Variants in ADCY1 observed in about 807,000 individuals in gnomAD.
The protein encoded by ADCY1 is adenylate cyclase type 1.
ADCY1 carries 28 observed loss-of-function variants against 105.4 expected under a neutral mutation model. That is an observed-to-expected ratio of 0.27 (90% CI 0.20 to 0.36). ADCY1 has a LOEUF of 0.36. Among genes scored for constraint, ADCY1 ranks in the 10% least tolerant of loss-of-function variants. The pLI is 1.00. For missense variants in ADCY1, 977 were observed against 1,434.2 expected (o/e 0.68, Z 5.15); for synonymous variants, 655 against 623.8 (o/e 1.05, Z -0.75).
intron 8 of ADCY1, among the ~76,000 whole-genome samples, chr7:45,675,746 C>G (rs1784445024): frequency 6.6e-6 from 1 of 151,978 alleles, no homozygotes; most frequent in South Asian, 2.1e-4. Context: ...TTTTCCTCCC[C>G]CAAAAAATCA....
intron 1 of ADCY1, among the ~76,000 whole-genome samples, chr7:45,589,961 C>T (rs915135719): frequency 5.3e-5 from 8 of 152,188 alleles, no homozygotes; most frequent in African/African-American, 1.4e-4. Context: ...TTCCCATTCT[C>T]GTGAGGACAG....
chr7:45,652,211 A>G (rs946982199), intron 5 of ADCY1, among the ~76,000 whole-genome samples: 1 of 152,234 alleles, frequency 6.6e-6, no homozygotes, highest in Admixed American at 6.5e-5. Flanking sequence ...CCCATGATCC[A>G]GTTACCTCCC....
At chr7:45,624,414 G>T (rs1401206108) in intron 4 of ADCY1, among the ~76,000 whole-genome samples, 2 of 152,128 alleles carry the variant, frequency 1.3e-5, no homozygotes, top group Admixed American at 6.5e-5. Context: ...CTGTGGGGAA[G>T]AAAAGGTCTT....
At chr7:45,696,413 T>C (rs554201577) in intron 14 of ADCY1, among the ~76,000 whole-genome samples, 2 of 120,084 alleles carry the variant, frequency 1.7e-5, no homozygotes, top group South Asian at 5.4e-4. Flanking sequence ...CACTCCAGCC[T>C]GGGCGACAGA....
At chr7:45,581,907 A>AT (rs1406412334) in intron 1 of ADCY1, among the ~76,000 whole-genome samples, 1 of 151,980 alleles carries the variant, frequency 6.6e-6, no homozygotes, top group East Asian at 1.9e-4. Flanking sequence ...ACTCACACTC[A>AT]TTCTCCCCCC....
At chr7:45,588,869 A>G (rs1047585932) in intron 1 of ADCY1, among the ~76,000 whole-genome samples, 50 of 149,156 alleles carry the variant, frequency 3.4e-4, no homozygotes, top group African/African-American at 1.1e-3. Context: ...CATTGCGTGT[A>G]TGTGTGTGTG....
Position 45,722,747 on chromosome 7 carries a change from G to A in ADCY1, c.*8752G>A, listed in dbSNP as rs942878513. 1 of 152,590 alleles carries A rather than the reference G, an allele frequency of 6.6e-6. No homozygotes were observed. Among genetic ancestry groups the A allele is most frequent in the Non-Finnish European group, 1.5e-5 (1 of 68,022 alleles). 9.5% of individuals were successfully genotyped at this position (152,590 alleles called of 1,614,324 possible). A position where few individuals can be genotyped will look rare whatever the true frequency, so the allele number is the denominator to read the frequency against. ...GGAATGGAGAGTGATGTGGGCAAGG[G>A]TGTCATTTTCTCGCACAATACAACT... is the stretch of plus-strand genomic sequence containing the variant. On this transcript the variant is annotated 3_prime_UTR_variant, in exon 20 of 20. Transcript: ENST00000297323.
chr7:45,576,598 C>G (rs1257638438), intron 1 of ADCY1, among the ~76,000 whole-genome samples: 1 of 152,064 alleles, frequency 6.6e-6, no homozygotes, highest in Non-Finnish European at 1.5e-5. Flanking sequence ...GACTTCATGT[C>G]CTGGAGGGGA....
chr7:45,635,886 T>C (rs1794390599), intron 4 of ADCY1, among the ~76,000 whole-genome samples: 1 of 152,106 alleles, frequency 6.6e-6, no homozygotes, highest in African/African-American at 2.4e-5. Context: ...CATATCTTTA[T>C]TGATTTCCTG....
intron 1 of ADCY1, among the ~76,000 whole-genome samples, chr7:45,578,594 G>A (rs1447689774): frequency 6.6e-6 from 1 of 152,198 alleles, no homozygotes; most frequent in Non-Finnish European, 1.5e-5. Context: ...GGATGTCTGG[G>A]CTTGGCCTCT....
intron 1 of ADCY1, among the ~76,000 whole-genome samples, chr7:45,585,181 A>G (rs1398239199): frequency 2.0e-5 from 3 of 152,232 alleles, no homozygotes; most frequent in Non-Finnish European, 4.4e-5. Context: ...TCAAAAAGGG[A>G]TCTTAAATAC....
intron 4 of ADCY1, among the ~76,000 whole-genome samples, chr7:45,641,400 C>A (rs983346891): frequency 5.3e-5 from 8 of 152,192 alleles, no homozygotes; most frequent in Admixed American, 3.3e-4. Flanking sequence ...AATTCTCACC[C>A]GTAATGTAGC....
chr7:45,662,341 T>A, intron 8 of ADCY1, 127 bp downstream of exon 8: 1 of 1,063,336 alleles, frequency 9.4e-7, no homozygotes, highest in Non-Finnish European at 1.3e-6. Flanking sequence ...GATAATCTTG[T>A]AAATGCTGCT....
rs547193718 is a variant in ADCY1, at chr7:45,655,036, C to T, written c.1149-2691C>T. ...AAATTCTGCCTAGGTGACAGTAAAT[C>T]GGCCTCTATGGTGTCCTCTCTTCTC... On this transcript the variant is annotated intron_variant, in intron 5 of 19. Coordinates refer to ENST00000297323, the MANE Select transcript of ADCY1 (RefSeq NM_021116.4). 2.6e-3 allele frequency among the ~76,000 whole-genome samples: 400 copies of T among 152,284 alleles called. 1 individual carries two copies. The highest frequency in any genetic ancestry group is 4.8e-3 in the Non-Finnish European group (328 of 68,022).
At position 45,678,077 on chromosome 7, in the gene ADCY1, G is replaced by T. The variant is rs1784492535; in HGVS notation, c.1800+14G>T. The T allele has an allele frequency of 2.5e-6, 4 of 1,613,818 alleles. No homozygotes were observed. The highest frequency in any genetic ancestry group is 2.7e-5 in the African/African-American group (2 of 74,884). ...CGGGAGCAAAAGGTAAGCAACTCTG[G>T]TTTTCGGCTTCCCTGGTGCTGCTTG... On this transcript the variant is annotated intron_variant, in intron 9 of 19. Coordinates refer to ENST00000297323, the MANE Select transcript of ADCY1 (RefSeq NM_021116.4).
At position 45,703,731 on chromosome 7, in the gene ADCY1, C is replaced by T. The variant is rs144477674; in HGVS notation, c.2703C>T (p.Ile901=). ...GTCTGCGGCTTCTCAACGAGATCAT[C>T]GCCGACTTTGACGAGGTGAGGCTGT... The part of the protein sequence containing the change: ...VECLRLLNEI[I]ADFDELMEKD... Residue 901 remains isoleucine (I), a synonymous_variant, in exon 16 of 20, where the codon ATC becomes ATT. Coordinates refer to ENST00000297323, the MANE Select transcript of ADCY1 (RefSeq NM_021116.4). The surrounding 1 kb of genome is among the most constrained non-coding windows in gnomAD (Gnocchi z 5.9). 1.6e-5 allele frequency: 25 copies of T among 1,585,772 alleles called. No homozygotes were observed. The Admixed American group carries it at 1.9e-4, about 12-fold the overall frequency.
intron 8 of ADCY1, chr7:45,664,435 A>T: frequency 6.5e-7 from 1 of 1,534,610 alleles, no homozygotes; most frequent in South Asian, 1.2e-5. Flanking sequence ...TCCTGCCATC[A>T]GCCCTTATCC....
chr7:45,661,954 C>A, intron 7 of ADCY1, 105 bp from the exon 8 acceptor site: 1 of 1,374,908 alleles, frequency 7.3e-7, no homozygotes, highest in Non-Finnish European at 1.0e-6. Flanking sequence ...AAATGAATCC[C>A]AGTGCCCTGG....
intron 2 of ADCY1, among the ~76,000 whole-genome samples, chr7:45,601,635 G>C (rs192479476): frequency 2.0e-5 from 3 of 152,142 alleles, no homozygotes; most frequent in Non-Finnish European, 4.4e-5. Context: ...TAATAGGTGT[G>C]TAGTGAATGA....
Sources: gnomAD v4.1 joint callset for allele counts (sites outside exome capture counted in the v4.1 genomes callset) on GRCh38, gnomAD v4.1.1 for gene constraint, Gnocchi (gnomAD v3.1) non-coding constraint, MANE v1.5 for transcripts, NCBI Gene and HGNC (gene_info 2026-07-23, HGNC 2026-07-21) for gene names.